The following AKT3 variants were observed in gnomAD, a reference collection of about 807,000 sequenced individuals.
AKT3 encodes the protein RAC-gamma serine/threonine-protein kinase.
A neutral mutation model predicts 65.3 loss-of-function variants in AKT3; 15 were observed. That is an observed-to-expected ratio of 0.23 (90% CI 0.15 to 0.35). The LOEUF is 0.35. Ranked by LOEUF, AKT3 falls within the 10% of genes least tolerant of loss-of-function variation. AKT3 has a pLI of 1.00. For missense variants in AKT3, 243 were observed against 576.5 expected, an observed-to-expected ratio of 0.42 and a Z score of 5.92; for synonymous variants, 206 against 183.8, an observed-to-expected ratio of 1.12 and a Z score of -0.98.
rs1319725831 is a variant in AKT3 at position 243,503,178 on chromosome 1, T to G, written c.*2071A>C. 2 of 233,524 alleles carry G rather than the reference T, an allele frequency of 8.6e-6. No individual in the cohort carries two copies. Among genetic ancestry groups the G allele is most frequent in the Non-Finnish European group, 1.7e-5 (2 of 118,036 alleles). The allele number at this position is 233,524 out of a possible 1,614,324, so 14.5% of individuals were successfully genotyped here. On this transcript the variant is annotated 3_prime_UTR_variant, in exon 14 of 14. Coordinates refer to ENST00000673466, the MANE Select transcript of AKT3 (RefSeq NM_005465.7). ...GTAACTTCCTACTCAATACTAAGGA[T>G]GAACTTCACTCAGGTAGAAATATGA...
chr1:243,805,246 C>T (rs1161100614), intron 2 of AKT3, among the ~76,000 whole-genome samples: 6 of 152,038 alleles, frequency 3.9e-5, no homozygotes, highest in Non-Finnish European at 2.9e-5. Flanking sequence ...TCATGCTCAC[C>T]TTCCCTCTGG....
intron 2 of AKT3, among the ~76,000 whole-genome samples, chr1:243,828,363 T>G (rs1275953051): frequency 6.6e-6 from 1 of 152,118 alleles, no homozygotes; most frequent in Non-Finnish European, 1.5e-5. Flanking sequence ...CCACAGACAC[T>G]AATAAATGGC....
At chr1:243,796,096 C>T (rs968090789) in intron 2 of AKT3, among the ~76,000 whole-genome samples, 5 of 152,334 alleles carry the variant, frequency 3.3e-5, no homozygotes, top group African/African-American at 4.8e-5. Flanking sequence ...TTTTTGTGCA[C>T]TTACAGGTAC....
At chr1:243,848,160 C>A (rs1224710650) in intron 1 of AKT3, among the ~76,000 whole-genome samples, 1 of 152,146 alleles carries the variant, frequency 6.6e-6, no homozygotes, top group Non-Finnish European at 1.5e-5. Flanking sequence ...AAACTGGAAC[C>A]TCAAGCCAAT....
chr1:243,664,053 G>A (rs772511634), intron 4 of AKT3, among the ~76,000 whole-genome samples: 2 of 151,996 alleles, frequency 1.3e-5, no homozygotes, highest in Non-Finnish European at 2.9e-5. Context: ...TAGTGCTCCA[G>A]ACAGCCACTT....
chr1:243,787,024 G>C (rs562606234), intron 2 of AKT3, among the ~76,000 whole-genome samples: 9 of 152,182 alleles, frequency 5.9e-5, no homozygotes, highest in Non-Finnish European at 1.3e-4. Flanking sequence ...TAAAATGTAG[G>C]AGTGGGAAAC....
rs571518463 is a variant in AKT3 at position 243,642,436 on chromosome 1, A to G, written c.429+3457T>C. 8.5e-5 allele frequency among the ~76,000 whole-genome samples: 13 copies of G among 152,288 alleles called. No homozygotes were observed. In the East Asian group the frequency reaches 2.5e-3, roughly 29 times the overall value. ...GACATTCTCCTGCCTCAGCCTCCCG[A>G]GTAGCTGGGACTACAGGCGCCCGCC... On this transcript the variant is annotated intron_variant, in intron 5 of 13. Coordinates refer to ENST00000673466, the MANE Select transcript of AKT3 (RefSeq NM_005465.7).
intron 11 of AKT3, 147 bp downstream of exon 11, chr1:243,552,582 G>A (rs1284109339): frequency 2.8e-6 from 2 of 717,300 alleles, no homozygotes; most frequent in East Asian, 2.7e-5. Context: ...TCTATATTAT[G>A]CAGTTAAAAA....
intron 4 of AKT3, among the ~76,000 whole-genome samples, chr1:243,652,189 AG>A (rs1309045542): frequency 1.3e-5 from 2 of 151,938 alleles, no homozygotes; most frequent in African/African-American, 4.8e-5. Context: ...CTAGGAGTAC[AG>A]GTGTCTGCCC....
intron 2 of AKT3, among the ~76,000 whole-genome samples, chr1:243,796,518 C>T (rs1289712993): frequency 2.6e-5 from 4 of 152,172 alleles, no homozygotes; most frequent in South Asian, 4.1e-4. Flanking sequence ...AAGCCAAGGT[C>T]TTTCAAAGCC....
chr1:243,820,950 C>T (rs1289964085), intron 2 of AKT3, among the ~76,000 whole-genome samples: 1 of 152,054 alleles, frequency 6.6e-6, no homozygotes, highest in Non-Finnish European at 1.5e-5. Flanking sequence ...TAAGATACTC[C>T]ATGAGAAGAT....
chr1:243,706,160 G>C (rs1247652530), intron 2 of AKT3, among the ~76,000 whole-genome samples: 1 of 152,080 alleles, frequency 6.6e-6, no homozygotes, highest in Non-Finnish European at 1.5e-5. Context: ...CTACCACAGA[G>C]GTGGGCAATA....
At chr1:243,678,909 A>G (rs750889612) in intron 3 of AKT3, among the ~76,000 whole-genome samples, 1 of 152,120 alleles carries the variant, frequency 6.6e-6, no homozygotes, top group Non-Finnish European at 1.5e-5. Context: ...ATTTTTTTCA[A>G]TAATAGTACA....
At chr1:243,696,135 C>A (rs776883478) in intron 2 of AKT3, among the ~76,000 whole-genome samples, 2 of 150,758 alleles carry the variant, frequency 1.3e-5, no homozygotes, top group Middle Eastern at 3.5e-3. Flanking sequence ...TTCTCTTCCA[C>A]TAATTGTGTC....
At chr1:243,824,407 A>G (rs759485385) in intron 2 of AKT3, among the ~76,000 whole-genome samples, 2 of 152,224 alleles carry the variant, frequency 1.3e-5, no homozygotes, top group Non-Finnish European at 2.9e-5. Flanking sequence ...AAAATTGACG[A>G]CTGGGATCTA....
At chr1:243,681,480 T>G (rs1465753753) in intron 3 of AKT3, among the ~76,000 whole-genome samples, 3 of 152,120 alleles carry the variant, frequency 2.0e-5, no homozygotes, top group Non-Finnish European at 2.9e-5. Flanking sequence ...GGCTCAACAT[T>G]ACATAATAAA....
chr1:243,724,844 A>G (rs1687112205), intron 2 of AKT3, among the ~76,000 whole-genome samples: 1 of 152,304 alleles, frequency 6.6e-6, no homozygotes, highest in South Asian at 2.1e-4. Flanking sequence ...GGGAAAAAAG[A>G]TGAAGAAAAG....
chr1:243,809,687 T>C (rs1268667112), intron 2 of AKT3, among the ~76,000 whole-genome samples: 1 of 152,190 alleles, frequency 6.6e-6, no homozygotes, highest in Non-Finnish European at 1.5e-5. Flanking sequence ...GCAGACCTAA[T>C]AGACATCTAG....
At chr1:243,604,819 G>A (rs1677276423) in intron 8 of AKT3, among the ~76,000 whole-genome samples, 1 of 152,022 alleles carries the variant, frequency 6.6e-6, no homozygotes. Context: ...ATCTTCTGAG[G>A]TCTAGCCCAC....
Sources: gnomAD v4.1 joint callset for allele counts (sites outside exome capture counted in the v4.1 genomes callset) on GRCh38, gnomAD v4.1.1 for gene constraint, MANE v1.5 for transcripts, NCBI Gene and HGNC (gene_info 2026-07-23, HGNC 2026-07-21) for gene names.